PRRX2: variants seen among roughly 807,000 people sequenced by gnomAD.
PRRX2 encodes the protein paired mesoderm homeobox protein 2.
In PRRX2, 11 loss-of-function variants were observed where a neutral mutation model predicts 18.0. The ratio of observed to expected loss-of-function variants is 0.61; its 90% CI spans 0.39 to 1.01. PRRX2 has a LOEUF of 1.01. Ranked by LOEUF, PRRX2 falls within the 50% of genes least tolerant of loss-of-function variation. PRRX2 has a pLI of 0.01. For missense variants in PRRX2, 387 were observed against 351.0 expected (o/e 1.10, Z -0.82); for synonymous variants, 177 against 154.8 (o/e 1.14, Z -1.06).
chr9:129,691,612 G>T (rs1832361552), intron 1 of PRRX2, among the ~76,000 whole-genome samples: 1 of 151,498 alleles, frequency 6.6e-6, no homozygotes, highest in Non-Finnish European at 1.5e-5. Context: ...GTAAATTAAG[G>T]ATCTCCTCCC....
rs1400168967 is a variant in PRRX2 at position 129,704,662 on chromosome 9, C to T, written c.260-14569C>T. Among the ~76,000 whole-genome samples the T allele has an allele frequency of 2.0e-5, 3 of 152,210 alleles. No individual in the cohort carries two copies. The East Asian group carries it at 5.8e-4, about 29-fold the overall frequency. ...AGTGCGTGGCCGAGTCACTGCCCCT[C>T]CAGGCCTCAGTTTTCCTATCAGCAA... On this transcript the variant is annotated intron_variant, in intron 1 of 3. Transcript: ENST00000372469.
intron 1 of PRRX2, among the ~76,000 whole-genome samples, chr9:129,690,609 C>T (rs1008679765): frequency 1.1e-4 from 16 of 151,040 alleles, no homozygotes; most frequent in African/African-American, 3.2e-4. Flanking sequence ...TGGGTTCAAG[C>T]GATTCTCCTG....
At chr9:129,679,638 C>T (rs10819555) in intron 1 of PRRX2, among the ~76,000 whole-genome samples, 41,143 of 152,040 alleles carry the variant, frequency 0.27, 5,741 homozygotes, top group East Asian at 0.4. Flanking sequence ...GGGCTGACTG[C>T]GACCTTACCC....
At chr9:129,702,405 A>G (rs1832509596) in intron 1 of PRRX2, among the ~76,000 whole-genome samples, 2 of 152,222 alleles carry the variant, frequency 1.3e-5, no homozygotes, top group Non-Finnish European at 2.9e-5. Context: ...CTCAAAAAAA[A>G]AAAAAAAACT....
At chr9:129,688,381 G>T (rs900763003) in intron 1 of PRRX2, among the ~76,000 whole-genome samples, 2 of 152,112 alleles carry the variant, frequency 1.3e-5, no homozygotes, top group African/African-American at 4.8e-5. Flanking sequence ...TGGCTTTGAG[G>T]ACTGGGAAGA....
chr9:129,701,054 A>G (rs1324018923), intron 1 of PRRX2, among the ~76,000 whole-genome samples: 2 of 152,232 alleles, frequency 1.3e-5, no homozygotes, highest in Non-Finnish European at 2.9e-5. Context: ...GGACAAAGAA[A>G]TGAGACATTT....
At chr9:129,685,853 C>T (rs1238238298) in intron 1 of PRRX2, among the ~76,000 whole-genome samples, 3 of 152,288 alleles carry the variant, frequency 2.0e-5, no homozygotes, top group Admixed American at 6.5e-5. Context: ...GCCCTGAGGG[C>T]GCAGAGGGAA....
chr9:129,672,363 C>T (rs899942495), intron 1 of PRRX2, among the ~76,000 whole-genome samples: 3 of 152,192 alleles, frequency 2.0e-5, no homozygotes, highest in Non-Finnish European at 4.4e-5. Flanking sequence ...TGGAGTTGTC[C>T]TCCTGCCAGC....
At chr9:129,714,810 T>C (rs1048324322) in intron 1 of PRRX2, among the ~76,000 whole-genome samples, 2 of 152,148 alleles carry the variant, frequency 1.3e-5, no homozygotes, top group Admixed American at 6.5e-5. Context: ...AAATGTCTCC[T>C]TTTTTGGCTG....
At chr9:129,674,155 C>T (rs2119053339) in intron 1 of PRRX2, among the ~76,000 whole-genome samples, 1 of 152,260 alleles carries the variant, frequency 6.6e-6, no homozygotes, top group South Asian at 2.1e-4. Context: ...TCCCTGGTTG[C>T]TCTCGCTGCC....
intron 1 of PRRX2, among the ~76,000 whole-genome samples, chr9:129,676,517 G>A (rs956131640): frequency 8.5e-5 from 13 of 152,294 alleles, no homozygotes; most frequent in African/African-American, 3.1e-4. Flanking sequence ...CTTGCCCAAG[G>A]TCACACAGGG....
At chr9:129,697,428 T>C (rs930099189) in intron 1 of PRRX2, among the ~76,000 whole-genome samples, 9 of 151,472 alleles carry the variant, frequency 5.9e-5, no homozygotes, top group African/African-American at 1.9e-4. Context: ...CGGGATCTAT[T>C]AACGTCTGTG....
chr9:129,715,060 G>A lies in PRRX2; in HGVS notation c.260-4171G>A, dbSNP rs909352154. On this transcript the variant is annotated intron_variant, in intron 1 of 3. Transcript: ENST00000372469. The surrounding 1 kb of genome is among the most constrained non-coding windows in gnomAD (Gnocchi z 4.0). ...CTCATCCATCCTCGCCTTTGCTTGA[G>A]GAGTGAAGAGTGAAGCGGTCCCGGC... Among the ~76,000 whole-genome samples, 1 of 152,114 alleles carries A rather than the reference G, an allele frequency of 6.6e-6. No homozygotes were observed. The highest frequency in any genetic ancestry group is 1.5e-5 in the Non-Finnish European group (1 of 68,034).
At chr9:129,676,094 G>C (rs1832160080) in intron 1 of PRRX2, among the ~76,000 whole-genome samples, 1 of 152,136 alleles carries the variant, frequency 6.6e-6, no homozygotes, top group African/African-American at 2.4e-5. Flanking sequence ...TTCCAGGGCT[G>C]GGTCTGCACC....
chr9:129,703,759 CAG>C (rs1471840806), intron 1 of PRRX2, among the ~76,000 whole-genome samples: 3 of 152,230 alleles, frequency 2.0e-5, no homozygotes, highest in African/African-American at 7.2e-5. Flanking sequence ...CAGAAACACT[CAG>C]GACGCCATTG....
chr9:129,679,619 C>T (rs780927326), intron 1 of PRRX2, among the ~76,000 whole-genome samples: 4 of 152,208 alleles, frequency 2.6e-5, no homozygotes, highest in Non-Finnish European at 5.9e-5. Context: ...GACCTGGAGT[C>T]CCTGGATTGG....
At chr9:129,667,535 G>A (rs1381901296) in intron 1 of PRRX2, among the ~76,000 whole-genome samples, 1 of 152,116 alleles carries the variant, frequency 6.6e-6, no homozygotes, top group Non-Finnish European at 1.5e-5. Flanking sequence ...GGGAAAGAAG[G>A]AAAGGAGAAG....
Position 129,715,747 on chromosome 9 carries a change from T to TCTCTC in PRRX2, c.260-3484_260-3483insCTCTC, listed in dbSNP as rs1832696141. On this transcript the variant is annotated intron_variant, in intron 1 of 3. Transcript: ENST00000372469. This position sits in a 1 kb window ranked among gnomAD's most constrained non-coding sequence, Gnocchi z 4.0. ...TCCAAACCCAGCTTCAGGGACATCT[T>TCTCTC]TCTCACACACACACACACACACACA... Among the ~76,000 whole-genome samples, 1 of 112,684 alleles carries TCTCTC rather than the reference T, an allele frequency of 8.9e-6. No homozygotes were observed. Among genetic ancestry groups the TCTCTC allele is most frequent in the African/African-American group, 3.3e-5 (1 of 30,636 alleles). The allele number at this position is 112,684 out of a possible 152,430, so 73.9% of individuals were successfully genotyped here.
chr9:129,690,019 G>A (rs1300608378), intron 1 of PRRX2, among the ~76,000 whole-genome samples: 1 of 151,890 alleles, frequency 6.6e-6, no homozygotes, highest in Non-Finnish European at 1.5e-5. Flanking sequence ...CCAAAGTGCT[G>A]GGATCACAGG....
Sources: allele counts gnomAD v4.1 joint callset (sites outside exome capture counted in the v4.1 genomes callset), GRCh38; gene constraint gnomAD v4.1.1; non-coding constraint Gnocchi (gnomAD v3.1); transcripts MANE v1.5; gene names NCBI Gene and HGNC (gene_info 2026-07-23, HGNC 2026-07-21).